C1orf141: variants seen among roughly 807,000 people sequenced by gnomAD.
C1orf141 encodes the protein chromosome 1 open reading frame 141, also known as uncharacterized protein C1orf141.
Under a neutral mutation model 23.2 loss-of-function variants are expected in C1orf141, and 19 were observed. The observed-to-expected ratio is 0.82, with a 90% CI of 0.57 to 1.20. The LOEUF is 1.20. Ranked by LOEUF, C1orf141 falls within the 50% of genes most tolerant of loss-of-function variation. The pLI is 0.00. For synonymous variants in C1orf141, 153 were observed against 154.6 expected, an observed-to-expected ratio of 0.99 and a Z score of 0.08; for missense variants, 469 against 455.1, an observed-to-expected ratio of 1.03 and a Z score of -0.28.
chr1:67,101,251 T>A (rs1210988181), intron 5 of C1orf141, among the ~76,000 whole-genome samples: 1 of 152,130 alleles, frequency 6.6e-6, no homozygotes, highest in East Asian at 1.9e-4. Context: ...TAGCTTTGAG[T>A]ACATCTAAAG....
At chr1:67,107,375 T>G (rs145029579) in intron 5 of C1orf141, among the ~76,000 whole-genome samples, 1 of 152,132 alleles carries the variant, frequency 6.6e-6, no homozygotes, top group Admixed American at 6.6e-5. Context: ...AATGATAGAC[T>G]TAATTTCACC....
At chr1:67,111,701 A>G (rs1570703891) in intron 5 of C1orf141, 4 of 763,664 alleles carry the variant, frequency 5.2e-6, no homozygotes, top group East Asian at 6.4e-5. Context: ...ATTAAACCCA[A>G]TCAACCATTT....
rs557420619 is a variant in C1orf141 at position 67,116,301 on chromosome 1, T to C, written c.234-837A>G. On this transcript the variant is annotated intron_variant, in intron 4 of 7. Coordinates refer to ENST00000684719, the MANE Select transcript of C1orf141 (RefSeq NM_001276351.2). ...TGCAGAAATCTTTTATTTCTCTTTC[T>C]CTCTTTTTCCACTCCCAACCTATCA... 2.6e-5 allele frequency among the ~76,000 whole-genome samples: 4 copies of C among 152,282 alleles called. No homozygotes were observed. The South Asian group carries it at 8.3e-4, about 32-fold the overall frequency.
intron 5 of C1orf141, among the ~76,000 whole-genome samples, chr1:67,114,438 GAAAT>G (rs555247594): frequency 1.1e-4 from 16 of 152,114 alleles, no homozygotes; most frequent in Admixed American, 3.9e-4. Context: ...TGAATCATGA[GAAAT>G]AAAATAACAA....
chr1:67,138,136 T>C (rs1191107672), upstream of C1orf141, among the ~76,000 whole-genome samples: 1 of 152,204 alleles, frequency 6.6e-6, no homozygotes, highest in East Asian at 1.9e-4. Context: ...AATGTTCCTT[T>C]CCATAATAAA....
chr1:67,133,749 T>A (rs117301158), intron 1 of C1orf141, among the ~76,000 whole-genome samples: 4,075 of 152,174 alleles, frequency 0.027, 62 homozygotes, highest in East Asian at 0.074. Flanking sequence ...GTTGTGAAGA[T>A]TCAGTGAGAA....
At chr1:67,106,886 C>A (rs1263158706) in intron 5 of C1orf141, among the ~76,000 whole-genome samples, 1 of 152,014 alleles carries the variant, frequency 6.6e-6, no homozygotes. Flanking sequence ...AAAGATAGAT[C>A]AATAGAAATT....
chr1:67,128,316 T>C (rs1319678593), intron 2 of C1orf141, among the ~76,000 whole-genome samples: 1 of 151,790 alleles, frequency 6.6e-6, no homozygotes, highest in African/African-American at 2.4e-5. Context: ...TAGGGCAGAG[T>C]GGAGGCAAGA....
In C1orf141 at chr1:67,133,753, G is replaced by C. The variant is rs113052738; in HGVS notation, c.-104+1177C>G. Among the ~76,000 whole-genome samples the C allele has an allele frequency of 3.2e-3, 480 of 152,262 alleles. 4 individuals are homozygous for C. Among genetic ancestry groups the C allele is most frequent in the African/African-American group, 0.011 (457 of 41,536 alleles). On this transcript the variant is annotated intron_variant, in intron 1 of 7. Coordinates refer to ENST00000684719, the MANE Select transcript of C1orf141 (RefSeq NM_001276351.2). ...AGAGGAAAGTCGTTGTGAAGATTCA[G>C]TGAGAAGGCAGCCACCACCCCAAGC... is the stretch of plus-strand genomic sequence containing the variant.
At chr1:67,097,179 T>C (rs1645699205) in intron 5 of C1orf141, among the ~76,000 whole-genome samples, 1 of 151,894 alleles carries the variant, frequency 6.6e-6, no homozygotes, top group Admixed American at 6.6e-5. Flanking sequence ...GGCAGTATAC[T>C]AAGACCCCCA....
chr1:67,130,613 T>C (rs543135242), intron 2 of C1orf141, among the ~76,000 whole-genome samples: 1 of 152,298 alleles, frequency 6.6e-6, no homozygotes, highest in East Asian at 1.9e-4. Flanking sequence ...AATTTTTATG[T>C]TTTTGCTTTA....
intron 4 of C1orf141, among the ~76,000 whole-genome samples, chr1:67,121,402 G>A (rs958098520): frequency 6.6e-6 from 1 of 152,036 alleles, no homozygotes; most frequent in African/African-American, 2.4e-5. Flanking sequence ...AACGACTCAA[G>A]CCTTGATTTG....
intron 5 of C1orf141, among the ~76,000 whole-genome samples, chr1:67,097,535 G>T (rs78824210): frequency 1.3e-5 from 2 of 152,178 alleles, no homozygotes; most frequent in African/African-American, 4.8e-5. Flanking sequence ...AAGATGGGTT[G>T]AAGCACATAG....
intron 4 of C1orf141, among the ~76,000 whole-genome samples, chr1:67,124,405 C>A (rs148412108): frequency 6.6e-6 from 1 of 152,046 alleles, no homozygotes; most frequent in Non-Finnish European, 1.5e-5. Flanking sequence ...CTCTGCCTCC[C>A]GAGTTCAAGC....
At chr1:67,138,147 T>A (rs1646601991), upstream of C1orf141, among the ~76,000 whole-genome samples, 1 of 152,228 alleles carries the variant, frequency 6.6e-6, no homozygotes, top group Non-Finnish European at 1.5e-5. Context: ...CCATAATAAA[T>A]CCATTAAGCC....
chr1:67,093,730 G>A (rs1645605548), intron 7 of C1orf141, 126 bp from the exon 8 acceptor site: 1 of 646,834 alleles, frequency 1.5e-6, no homozygotes, highest in African/African-American at 1.8e-5. Flanking sequence ...TATTTAATAT[G>A]AACAGTAGCA....
At chr1:67,106,155 A>G (rs1005396170) in intron 5 of C1orf141, among the ~76,000 whole-genome samples, 1 of 152,210 alleles carries the variant, frequency 6.6e-6, no homozygotes, top group Admixed American at 6.5e-5. Flanking sequence ...GCTAGAACAA[A>G]AACATCAATA....
At chr1:67,130,230 G>A (rs942002330) in intron 2 of C1orf141, among the ~76,000 whole-genome samples, 2 of 152,132 alleles carry the variant, frequency 1.3e-5, no homozygotes, top group South Asian at 4.1e-4. Context: ...GTTCAAGAGG[G>A]GGAGAAGGCT....
chr1:67,094,195 A>G (rs1284395979), intron 7 of C1orf141: 2 of 152,242 alleles, frequency 1.3e-5, no homozygotes, highest in Non-Finnish European at 2.9e-5. Flanking sequence ...ACTTAAGAAT[A>G]GACATTTTTA....
Sources: gnomAD v4.1 joint callset for allele counts (sites outside exome capture counted in the v4.1 genomes callset) on GRCh38, gnomAD v4.1.1 for gene constraint, MANE v1.5 for transcripts, NCBI Gene and HGNC (gene_info 2026-07-23, HGNC 2026-07-21) for gene names.